TMEM200A: variants seen among roughly 807,000 people sequenced by gnomAD.
TMEM200A encodes the protein two transmembrane C.
TMEM200A carries 12 observed loss-of-function variants against 24.3 expected under a neutral mutation model. The observed-to-expected ratio is 0.49, with a 90% confidence interval of 0.32 to 0.80. The LOEUF is 0.80. Ranked by LOEUF, TMEM200A falls within the 30% of genes least tolerant of loss-of-function variation. The pLI, the probability that TMEM200A is intolerant of heterozygous loss-of-function variation, is 0.04. For missense variants in TMEM200A, 545 were observed against 614.4 expected (o/e 0.89, Z 1.19); for synonymous variants, 224 against 224.4 (o/e 1.00, Z 0.02).
Position 130,440,512 on chromosome 6 carries a change from G to A in TMEM200A, c.90G>A (p.Pro30=), listed in dbSNP as rs758275424. 3.0e-5 allele frequency: 49 copies of A among 1,613,914 alleles called. No homozygotes were observed. The highest frequency in any genetic ancestry group is 3.3e-4 in the Middle Eastern group (2 of 6,078). The stretch of plus-strand genomic sequence containing the variant: ...CACAGCAGCATGTCAACCTCAGCCC[G>A]TCTCCTGCTACCCAAGAGAAGAAGC... ...ARSQQHVNLS[P]SPATQEKKPI... is the part of the protein sequence containing the mutation. The change falls in exon 3 of 3, where the codon CCG becomes CCA. Residue 30 remains proline, a synonymous_variant. Transcript: ENST00000296978.
chr6:130,408,641 T>C (rs1229151753), intron 2 of TMEM200A, among the ~76,000 whole-genome samples: 1 of 151,956 alleles, frequency 6.6e-6, no homozygotes. Context: ...AGGTAGGAAA[T>C]GGAGTTGACC....
intron 2 of TMEM200A, among the ~76,000 whole-genome samples, chr6:130,386,722 CA>C (rs1341167862): frequency 2.0e-5 from 3 of 152,054 alleles, no homozygotes; most frequent in Non-Finnish European, 4.4e-5. Context: ...ACAAACAAAC[CA>C]AAAAACCCCC....
Position 130,441,231 on chromosome 6 carries a change from G to A in TMEM200A, c.809G>A (p.Ser270Asn), listed in dbSNP as rs1780163254. 1.2e-6 allele frequency: 2 copies of A among 1,614,156 alleles called. No homozygotes were observed. Among genetic ancestry groups the A allele is most frequent in the African/African-American group, 1.3e-5 (1 of 75,054 alleles). ...TCCAAGACAACTGATGATAAGACCA[G>A]CGGCTCTAAGAAATGTGAAACCAAG... Reference protein sequence around the residue: ...PPSKTTDDKTSGSKKCETKSI... With the variant: ...PPSKTTDDKTNGSKKCETKSI... Residue 270 changes from serine to asparagine, a missense_variant, in exon 3 of 3, where the codon AGC becomes AAC. By Grantham distance (46) the Ser-to-Asn change is conservative. Transcript: ENST00000296978.
intron 2 of TMEM200A, among the ~76,000 whole-genome samples, chr6:130,409,928 A>G (rs1779294616): frequency 6.6e-6 from 1 of 152,088 alleles, no homozygotes; most frequent in African/African-American, 2.4e-5. Flanking sequence ...ATATCAGAAA[A>G]GTATGAGAAG....
chr6:130,431,813 C>A (rs187553186), intron 2 of TMEM200A, among the ~76,000 whole-genome samples: 2 of 152,272 alleles, frequency 1.3e-5, no homozygotes, highest in Non-Finnish European at 2.9e-5. Flanking sequence ...GAAGGCATTA[C>A]TAACAGAACA....
chr6:130,424,045 TA>T (rs1439083893), intron 2 of TMEM200A, among the ~76,000 whole-genome samples: 3 of 152,212 alleles, frequency 2.0e-5, no homozygotes, highest in Non-Finnish European at 1.5e-5. Flanking sequence ...AACATATTTT[TA>T]AAATTTTTTC....
intron 1 of TMEM200A, among the ~76,000 whole-genome samples, chr6:130,371,930 C>T (rs988791900): frequency 6.6e-6 from 1 of 152,208 alleles, no homozygotes; most frequent in African/African-American, 2.4e-5. Flanking sequence ...AGGGAAGGAG[C>T]TAACGTTTGT....
chr6:130,389,395 T>C (rs1201157873), intron 2 of TMEM200A, among the ~76,000 whole-genome samples: 8 of 152,060 alleles, frequency 5.3e-5, no homozygotes, highest in Non-Finnish European at 1.2e-4. Flanking sequence ...CTGTGTCACG[T>C]CTTCCCTCAA....
intron 1 of TMEM200A, among the ~76,000 whole-genome samples, chr6:130,373,952 C>T (rs1232760244): frequency 1.3e-5 from 2 of 152,112 alleles, no homozygotes; most frequent in African/African-American, 2.4e-5. Flanking sequence ...TGATTTTGTT[C>T]CTTTGTTACC....
intron 1 of TMEM200A, among the ~76,000 whole-genome samples, chr6:130,381,065 A>G (rs1778584481): frequency 6.6e-6 from 1 of 152,254 alleles, no homozygotes; most frequent in Non-Finnish European, 1.5e-5. Context: ...TAATATATCT[A>G]TAGTACTCTC....
intron 2 of TMEM200A, among the ~76,000 whole-genome samples, chr6:130,426,461 C>T (rs549829145): frequency 1.0e-3 from 80 of 76,906 alleles, no homozygotes; most frequent in African/African-American, 9.9e-3. Flanking sequence ...CTTTCTGCAG[C>T]CCCCCCCCCC....
chr6:130,394,900 A>C (rs151264422), intron 2 of TMEM200A, among the ~76,000 whole-genome samples: 8 of 152,274 alleles, frequency 5.3e-5, no homozygotes, highest in Non-Finnish European at 8.8e-5. Context: ...AGGATATGAA[A>C]GTTCATGTGA....
At position 130,442,883 on chromosome 6, in the gene TMEM200A, T is replaced by C. The variant is rs1484470563; in HGVS notation, c.*985T>C. ...ACCTTGACATTTCTTTTTACCTTCA[T>C]ATGCCACTATCTCGGTAGTTCAAAA... is the stretch of plus-strand genomic sequence containing the variant. On this transcript the variant is annotated 3_prime_UTR_variant, in exon 3 of 3. Transcript: ENST00000296978. The C allele has an allele frequency of 1.2e-5, 2 of 166,858 alleles. No individual in the cohort carries two copies. The highest frequency in any genetic ancestry group is 2.9e-5 in the Non-Finnish European group (2 of 68,078). The allele number at this position is 166,858 out of a possible 1,614,324, so 10.3% of individuals were successfully genotyped here.
At position 130,441,234 on chromosome 6, in the gene TMEM200A, G is replaced by A. The variant is rs1444992242; in HGVS notation, c.812G>A (p.Gly271Asp). 6.2e-7 allele frequency: 1 copy of A among 1,614,058 alleles called. No individual in the cohort carries two copies. The highest frequency in any genetic ancestry group is 1.7e-5 in the Admixed American group (1 of 60,022). Residue 271 changes from glycine (G) to aspartate (D), a missense_variant, in exon 3 of 3, where the codon GGC becomes GAC. Coordinates refer to ENST00000296978, the MANE Select transcript of TMEM200A (RefSeq NM_001258277.2). ...AAGACAACTGATGATAAGACCAGCG[G>A]CTCTAAGAAATGTGAAACCAAGTCA... The part of the protein sequence containing the change: ...PSKTTDDKTS[G>D]SKKCETKSIV...
At chr6:130,367,532 T>C (rs576225506) in intron 1 of TMEM200A, among the ~76,000 whole-genome samples, 2 of 152,348 alleles carry the variant, frequency 1.3e-5, no homozygotes, top group South Asian at 2.1e-4. Context: ...GGAACACTTA[T>C]AAAAAGACCT....
rs559399818 is a variant in TMEM200A, at chr6:130,400,663, ATTTTGTGACCTAAGGT to A, written c.-17+15434_-17+15449del. 4.6e-5 allele frequency among the ~76,000 whole-genome samples: 7 copies of A among 151,990 alleles called. No homozygotes were observed. In the East Asian group the frequency reaches 1.2e-3, roughly 25 times the overall value. On this transcript the variant is annotated intron_variant, in intron 2 of 2. Transcript: ENST00000296978. ...TCCAAGATTAGTTTTCTTCACTATA[ATTTTGTGACCTAAGGT>A]TTTTGTACTTCATGGAGAGTTTAAC...
intron 2 of TMEM200A, among the ~76,000 whole-genome samples, chr6:130,435,696 T>C (rs1779986188): frequency 6.6e-6 from 1 of 152,222 alleles, no homozygotes; most frequent in Non-Finnish European, 1.5e-5. Context: ...GAAGCCAGGC[T>C]TAGGATCCAA....
At chr6:130,412,059 T>C (rs1362694307) in intron 2 of TMEM200A, among the ~76,000 whole-genome samples, 2 of 151,936 alleles carry the variant, frequency 1.3e-5, no homozygotes, top group African/African-American at 2.4e-5. Context: ...CATTCAAGCC[T>C]TTTTGACATA....
In TMEM200A at chr6:130,443,012, G is replaced by A. The variant is rs1780236081; in HGVS notation, c.*1114G>A. The A allele has an allele frequency of 6.0e-6, 1 of 166,850 alleles. No individual in the cohort carries two copies. The highest frequency in any genetic ancestry group is 2.4e-5 in the African/African-American group (1 of 41,392). 10.3% of individuals were successfully genotyped at this position (166,850 alleles called of 1,614,324 possible). ...GGTATAATACATGTTGTTTAGGATT[G>A]TGTTTCTTAGTCACTGAAGATAATA... On this transcript the variant is annotated 3_prime_UTR_variant, in exon 3 of 3. Transcript: ENST00000296978.
Sources: gnomAD v4.1 joint callset for allele counts (sites outside exome capture counted in the v4.1 genomes callset) on GRCh38, gnomAD v4.1.1 for gene constraint, MANE v1.5 for transcripts, NCBI Gene and HGNC (gene_info 2026-07-23, HGNC 2026-07-21) for gene names.